The following FHAD1 variants were observed in gnomAD, a reference collection of about 807,000 sequenced individuals.
FHAD1 encodes the protein forkhead associated phosphopeptide binding domain 1.
A neutral mutation model predicts 191.3 loss-of-function variants in FHAD1; 146 were observed. That is an observed-to-expected ratio of 0.76 (90% CI 0.67 to 0.88). FHAD1 has a LOEUF of 0.88. FHAD1 is among the 40% of genes least tolerant of loss of function. The pLI is 0.00. For missense variants in FHAD1, 1,635 were observed against 1,785.8 expected (o/e 0.92, Z 1.52); for synonymous variants, 616 against 672.3 (o/e 0.92, Z 1.29).
intron 4 of FHAD1, among the ~76,000 whole-genome samples, chr1:15,292,325 G>GT (rs1553248438): frequency 0.04 from 5,998 of 148,420 alleles, 324 homozygotes; most frequent in African/African-American, 0.12. Context: ...TTTTTGTGGG[G>GT]TTTTTTTTGT....
At chr1:15,365,093 T>C (rs981151797) in intron 23 of FHAD1, among the ~76,000 whole-genome samples, 5 of 152,204 alleles carry the variant, frequency 3.3e-5, no homozygotes, top group African/African-American at 9.6e-5. Flanking sequence ...CCACCAGGAA[T>C]TCAAAGGGGC....
At chr1:15,394,749 T>C (rs1239882507) in intron 33 of FHAD1, among the ~76,000 whole-genome samples, 3 of 152,148 alleles carry the variant, frequency 2.0e-5, no homozygotes, top group African/African-American at 7.2e-5. Flanking sequence ...CTGAGGGTCA[T>C]GTAGTGAGTG....
At chr1:15,388,194 C>G in intron 32 of FHAD1, 63 bp downstream of exon 32, 1 of 1,083,674 alleles carries the variant, frequency 9.2e-7, no homozygotes, top group Non-Finnish European at 1.2e-6. Flanking sequence ...GGGGTAAGAG[C>G]TCATGGCATG....
chr1:15,382,229 C>A, intron 31 of FHAD1, 36 bp downstream of exon 31: 1 of 1,544,580 alleles, frequency 6.5e-7, no homozygotes, highest in Non-Finnish European at 8.7e-7. Flanking sequence ...ACCTCCCAGG[C>A]TGCCCTGCAG....
intron 6 of FHAD1, among the ~76,000 whole-genome samples, chr1:15,305,094 C>T (rs573881614): frequency 6.6e-6 from 1 of 152,194 alleles, no homozygotes; most frequent in Non-Finnish European, 1.5e-5. Context: ...TACAAATGCA[C>T]ACAAAAATAC....
intron 14 of FHAD1, among the ~76,000 whole-genome samples, chr1:15,332,560 T>A (rs1354148310): frequency 1.3e-5 from 2 of 151,954 alleles, no homozygotes; most frequent in South Asian, 2.1e-4. Flanking sequence ...ATTTAAAAAA[T>A]AATAATAAAT....
In FHAD1 at chr1:15,388,141, G is replaced by A. The variant is rs1318281047; in HGVS notation, c.4269+10G>A. On this transcript the variant is annotated intron_variant, in intron 32 of 33. Transcript: ENST00000688493. ...AGAGAAAGACAGGCAGGTATGGGAG[G>A]TGTTCTGATGTTGCAGACACAGAGT... 3.9e-6 allele frequency: 5 copies of A among 1,284,824 alleles called. No individual in the cohort carries two copies. The African/African-American group carries it at 4.6e-5, about 12-fold the overall frequency. 79.6% of individuals were successfully genotyped at this position (1,284,824 alleles called of 1,614,324 possible). A position where few individuals can be genotyped will look rare whatever the true frequency, so the allele number is the denominator to read the frequency against.
At chr1:15,301,169 C>A in intron 5 of FHAD1, 36 bp from the exon 6 acceptor site, 1 of 1,527,166 alleles carries the variant, frequency 6.5e-7, no homozygotes, top group Non-Finnish European at 8.9e-7. Flanking sequence ...CACCTAGGCC[C>A]ACACCTAGTA....
intron 6 of FHAD1, among the ~76,000 whole-genome samples, chr1:15,302,645 G>A (rs1669188485): frequency 6.6e-6 from 1 of 152,080 alleles, no homozygotes; most frequent in Non-Finnish European, 1.5e-5. Flanking sequence ...CATGAACCTG[G>A]GAGGCAGAGC....
At chr1:15,320,686 TTTGAG>T (rs1461545611) in intron 10 of FHAD1, among the ~76,000 whole-genome samples, 1 of 152,208 alleles carries the variant, frequency 6.6e-6, no homozygotes, top group Non-Finnish European at 1.5e-5. Context: ...TTTCTTTTGA[TTTGAG>T]TTTTCATAGA....
intron 3 of FHAD1, among the ~76,000 whole-genome samples, chr1:15,288,705 T>C (rs1663376545): frequency 6.6e-6 from 1 of 152,212 alleles, no homozygotes; most frequent in African/African-American, 2.4e-5. Flanking sequence ...CCTAATCCCT[T>C]AGAGGGGACA....
chr1:15,244,789 T>G (rs1645804778), upstream of FHAD1, among the ~76,000 whole-genome samples: 4 of 134,642 alleles, frequency 3.0e-5, no homozygotes, highest in South Asian at 6.6e-4. This position sits in a 1 kb window ranked among gnomAD's most constrained non-coding sequence, Gnocchi z 5.1. Context: ...ATAACATAAA[T>G]AAATAAAGAA....
chr1:15,249,600 G>A (rs758993999), intron 1 of FHAD1, among the ~76,000 whole-genome samples: 11 of 152,092 alleles, frequency 7.2e-5, no homozygotes, highest in Non-Finnish European at 1.6e-4. Flanking sequence ...CATAGGCTTC[G>A]GAATTTACAA....
At chr1:15,367,401 C>G (rs1696812285) in intron 24 of FHAD1, 62 bp from the exon 25 acceptor site, 2 of 1,515,560 alleles carry the variant, frequency 1.3e-6, no homozygotes, top group Admixed American at 4.1e-5. Context: ...GAGGCTGAGG[C>G]AGGAGAATCA....
chr1:15,378,548 A>T (rs1015137166), intron 28 of FHAD1, among the ~76,000 whole-genome samples: 1 of 152,168 alleles, frequency 6.6e-6, no homozygotes, highest in African/African-American at 2.4e-5. Flanking sequence ...AGTGCAGAGG[A>T]TGCAGTTGAG....
At chr1:15,392,182 T>C (rs564531201) in intron 33 of FHAD1, among the ~76,000 whole-genome samples, 8 of 152,218 alleles carry the variant, frequency 5.3e-5, no homozygotes, top group Admixed American at 6.5e-5. Context: ...AAAAAATCCA[T>C]TTTTCTCTGA....
chr1:15,253,985 C>A (rs1394514644), intron 2 of FHAD1, among the ~76,000 whole-genome samples: 1 of 152,142 alleles, frequency 6.6e-6, no homozygotes, highest in Non-Finnish European at 1.5e-5. Flanking sequence ...ATTCCCCCTG[C>A]ATTTCTAGTT....
intron 3 of FHAD1, among the ~76,000 whole-genome samples, chr1:15,275,864 G>A (rs1290494267): frequency 2.0e-5 from 3 of 152,142 alleles, no homozygotes; most frequent in Non-Finnish European, 4.4e-5. Context: ...GTTTCCTTTG[G>A]AAGAGGACTG....
chr1:15,360,836 CT>C, intron 22 of FHAD1, 133 bp downstream of exon 22: 1 of 744,056 alleles, frequency 1.3e-6, no homozygotes, highest in Non-Finnish European at 2.2e-6. Flanking sequence ...CTGAGGCCCC[CT>C]TTTGTTCTTG....
Sources: gnomAD v4.1 joint callset for allele counts (sites outside exome capture counted in the v4.1 genomes callset) on GRCh38, gnomAD v4.1.1 for gene constraint, Gnocchi (gnomAD v3.1) non-coding constraint, MANE v1.5 for transcripts, NCBI Gene and HGNC (gene_info 2026-07-23, HGNC 2026-07-21) for gene names.